Variants in CUL1 observed in about 807,000 individuals in gnomAD.
CUL1 encodes cullin-1.
Under a neutral mutation model 118.0 loss-of-function variants are expected in CUL1, and 24 were observed. The observed-to-expected ratio is 0.20, with a 90% CI of 0.15 to 0.29. The LOEUF (loss-of-function observed/expected upper bound fraction) is 0.29, where lower values mean the gene tolerates loss of function less well. Among genes scored for constraint, CUL1 ranks in the 10% least tolerant of loss-of-function variants. CUL1 has a pLI of 1.00. For synonymous variants in CUL1, 332 were observed against 340.4 expected (o/e 0.98, Z 0.27); for missense variants, 361 against 933.8 (o/e 0.39, Z 7.99).
In CUL1 at chr7:148,711,562, G is replaced by A. The variant is rs149487152; in HGVS notation, c.-162+12533G>A. On this transcript the variant is annotated intron_variant, in intron 1 of 21. Transcript: ENST00000325222. The stretch of plus-strand genomic sequence containing the variant: ...ATCAAATAAAGAGCACGGTAGCGCC[G>A]TTTCTCCTTTTGAACCAGTTTGTAG... 1.8e-4 allele frequency among the ~76,000 whole-genome samples: 28 copies of A among 152,280 alleles called. No individual in the cohort carries two copies. In the East Asian group the frequency reaches 4.8e-3, roughly 26 times the overall value.
At chr7:148,699,572 G>A (rs1275600844) in intron 1 of CUL1, among the ~76,000 whole-genome samples, 1 of 152,206 alleles carries the variant, frequency 6.6e-6, no homozygotes, top group East Asian at 1.9e-4. Flanking sequence ...AGCAGCCGCG[G>A]AGCCGGGCTC....
At chr7:148,789,723 C>T in intron 14 of CUL1, 27 bp from the exon 15 acceptor site, 2 of 1,593,286 alleles carry the variant, frequency 1.3e-6, no homozygotes, top group Non-Finnish European at 1.7e-6. Flanking sequence ...CCAGAATGTT[C>T]ACTCTCCCCT....
At chr7:148,707,920 T>G (rs1194898866) in intron 1 of CUL1, among the ~76,000 whole-genome samples, 3 of 152,188 alleles carry the variant, frequency 2.0e-5, no homozygotes, top group Non-Finnish European at 4.4e-5. Flanking sequence ...TAGAGGAGTT[T>G]AGGAAGCATC....
At chr7:148,769,447 AC>A (rs1161378758) in intron 9 of CUL1, among the ~76,000 whole-genome samples, 7 of 140,758 alleles carry the variant, frequency 5.0e-5, no homozygotes, top group South Asian at 2.3e-4. Context: ...ACACACACAC[AC>A]AAAACGCTCA....
chr7:148,790,100 G>A (rs1800954687), intron 15 of CUL1, among the ~76,000 whole-genome samples: 1 of 152,246 alleles, frequency 6.6e-6, no homozygotes, highest in African/African-American at 2.4e-5. Context: ...CGATGGACCT[G>A]CTGGTCTTGA....
chr7:148,735,866 C>T (rs553846217), intron 2 of CUL1, among the ~76,000 whole-genome samples: 1 of 152,234 alleles, frequency 6.6e-6, no homozygotes, highest in Admixed American at 6.5e-5. Flanking sequence ...GAAAAATGTT[C>T]AACCTTATAA....
intron 2 of CUL1, among the ~76,000 whole-genome samples, chr7:148,734,202 C>G (rs1034942839): frequency 1.3e-5 from 2 of 152,166 alleles, no homozygotes; most frequent in Admixed American, 1.3e-4. Flanking sequence ...CAACTATTCA[C>G]TTCTAGTTTT....
chr7:148,700,659 C>T (rs1460763380), intron 1 of CUL1, among the ~76,000 whole-genome samples: 1 of 152,188 alleles, frequency 6.6e-6, no homozygotes, highest in Non-Finnish European at 1.5e-5. Flanking sequence ...CTCGCTTTAA[C>T]TCTATTAATG....
At chr7:148,763,322 G>T (rs1799898735) in intron 7 of CUL1, among the ~76,000 whole-genome samples, 1 of 152,086 alleles carries the variant, frequency 6.6e-6, no homozygotes, top group South Asian at 2.1e-4. Context: ...AAGAGTTAAA[G>T]GTTTGGCCCG....
intron 9 of CUL1, among the ~76,000 whole-genome samples, chr7:148,782,357 G>A (rs1258972614): frequency 2.0e-5 from 3 of 152,176 alleles, no homozygotes; most frequent in Non-Finnish European, 4.4e-5. Flanking sequence ...AGTGGAAGAA[G>A]TTTCCCTACG....
At chr7:148,756,920 GTTATTT>G in intron 3 of CUL1, 57 bp from the exon 4 acceptor site, 1 of 1,190,338 alleles carries the variant, frequency 8.4e-7, no homozygotes, top group African/African-American at 1.5e-5. Context: ...GTTATTCACC[GTTATTT>G]TTAATTTATA....
intron 14 of CUL1, 95 bp from the exon 15 acceptor site, chr7:148,789,655 C>G: frequency 1.1e-6 from 1 of 871,344 alleles, no homozygotes; most frequent in Non-Finnish European, 1.9e-6. Context: ...TAATAAAGAG[C>G]AATCCACATT....
chr7:148,752,406 TTCTC>T (rs567970026), intron 2 of CUL1, among the ~76,000 whole-genome samples: 78 of 152,334 alleles, frequency 5.1e-4, no homozygotes, highest in Non-Finnish European at 9.9e-4. Flanking sequence ...TAATCTGTGA[TTCTC>T]TATACAATTG....
In CUL1 at chr7:148,799,393, A is replaced by G. The variant is rs1310266821; in HGVS notation, c.2250+5A>G. The stretch of plus-strand genomic sequence containing the variant: ...CCTCGAGTCCCTGTGATCAAGGTAC[A>G]GGACTTTACATAGCAGTCACATTCC... On this transcript the variant is annotated splice_donor_5th_base_variant and intron_variant, in intron 21 of 21. Coordinates refer to ENST00000325222, the MANE Select transcript of CUL1 (RefSeq NM_003592.3). 4 of 1,566,808 alleles carry G rather than the reference A, an allele frequency of 2.6e-6. No individual in the cohort carries two copies. The Admixed American group carries it at 5.1e-5, about 20-fold the overall frequency.
intron 1 of CUL1, among the ~76,000 whole-genome samples, chr7:148,725,679 C>G (rs1044764495): frequency 6.6e-6 from 1 of 152,180 alleles, no homozygotes; most frequent in Non-Finnish European, 1.5e-5. Context: ...CTGTTGCTGC[C>G]CAGCATGTGT....
At chr7:148,765,176 G>A (rs1278835200) in intron 7 of CUL1, among the ~76,000 whole-genome samples, 2 of 152,166 alleles carry the variant, frequency 1.3e-5, no homozygotes, top group Non-Finnish European at 2.9e-5. Flanking sequence ...CGTGTAATAA[G>A]GTTCTGACTT....
chr7:148,767,971 A>T (rs1192057672), intron 9 of CUL1, among the ~76,000 whole-genome samples: 1 of 149,758 alleles, frequency 6.7e-6, no homozygotes, highest in East Asian at 1.9e-4. Flanking sequence ...TAATAATGTT[A>T]TTTTTTTTTT....
At chr7:148,740,325 G>T (rs1198639242) in intron 2 of CUL1, among the ~76,000 whole-genome samples, 2 of 152,228 alleles carry the variant, frequency 1.3e-5, no homozygotes, top group Admixed American at 6.5e-5. Flanking sequence ...ATAGAGCTGG[G>T]ATTACAGGTG....
intron 4 of CUL1, 37 bp from the exon 5 acceptor site, chr7:148,759,267 G>A (rs1464373848): frequency 6.3e-7 from 1 of 1,585,592 alleles, no homozygotes; most frequent in Non-Finnish European, 8.7e-7. Context: ...GAAAAACATG[G>A]TAAAAGTATA....
Sources: allele counts gnomAD v4.1 joint callset (sites outside exome capture counted in the v4.1 genomes callset), GRCh38; gene constraint gnomAD v4.1.1; transcripts MANE v1.5; gene names NCBI Gene and HGNC (gene_info 2026-07-23, HGNC 2026-07-21).